B3GALT1: variants seen among roughly 807,000 people sequenced by gnomAD.
B3GALT1 encodes the protein UDP-Gal:betaGlcNAc beta 1,3-galactosyltransferase, polypeptide 1.
B3GALT1 carries 10 observed loss-of-function variants against 23.2 expected under a neutral mutation model. The ratio of observed to expected loss-of-function variants is 0.43; its 90% CI spans 0.27 to 0.73. B3GALT1 has a LOEUF of 0.73. Among genes scored for constraint, B3GALT1 ranks in the 30% least tolerant of loss-of-function variants. B3GALT1 has a pLI of 0.21. For missense variants in B3GALT1, 299 were observed against 405.4 expected (o/e 0.74, Z 2.25); for synonymous variants, 156 against 141.5 (o/e 1.10, Z -0.73).
At chr2:167,295,617 A>C in intron 1 of B3GALT1, among the ~76,000 whole-genome samples, 1 of 152,210 alleles carries the variant, frequency 6.6e-6, no homozygotes, top group East Asian at 1.9e-4. Context: ...GGAACTTCTA[A>C]GGAAAATTTT....
chr2:167,841,813 A>G (rs768618358), intron 4 of B3GALT1, among the ~76,000 whole-genome samples: 6 of 152,256 alleles, frequency 3.9e-5, no homozygotes, highest in Non-Finnish European at 7.3e-5. Context: ...TGCCAAATGA[A>G]TATTTCAGGG....
chr2:167,611,640 A>G (rs2105432348), intron 2 of B3GALT1, among the ~76,000 whole-genome samples: 1 of 152,148 alleles, frequency 6.6e-6, no homozygotes, highest in South Asian at 2.1e-4. Flanking sequence ...TGCATTGCCC[A>G]GTAAAAGGGG....
chr2:167,719,131 A>G (rs1457937432), intron 3 of B3GALT1, among the ~76,000 whole-genome samples: 1 of 152,220 alleles, frequency 6.6e-6, no homozygotes, highest in African/African-American at 2.4e-5. Flanking sequence ...ATAGTGGCAT[A>G]TTCAGCTTGA....
chr2:167,798,267 G>A (rs879009488), intron 3 of B3GALT1, among the ~76,000 whole-genome samples: 4 of 152,154 alleles, frequency 2.6e-5, no homozygotes, highest in Admixed American at 1.3e-4. Context: ...TTCTTTTGCT[G>A]TGAAGAAGCT....
chr2:167,412,759 C>T (rs1022602669), intron 1 of B3GALT1, among the ~76,000 whole-genome samples: 20 of 152,074 alleles, frequency 1.3e-4, no homozygotes, highest in Admixed American at 7.9e-4. Flanking sequence ...TAAATGTGTA[C>T]ATCTCTTCAT....
At chr2:167,295,274 G>A (rs1696330868) in intron 1 of B3GALT1, among the ~76,000 whole-genome samples, 1 of 152,080 alleles carries the variant, frequency 6.6e-6, no homozygotes, top group South Asian at 2.1e-4. Context: ...ATCATGTCTG[G>A]CTTAAAAGTG....
intron 1 of B3GALT1, among the ~76,000 whole-genome samples, chr2:167,373,135 T>C (rs1307618312): frequency 6.6e-6 from 1 of 152,064 alleles, no homozygotes; most frequent in Non-Finnish European, 1.5e-5. Context: ...GAACATATTT[T>C]CAAGAAATTG....
chr2:167,533,988 TGTTGAAAA>T (rs1683373420), intron 2 of B3GALT1, among the ~76,000 whole-genome samples: 1 of 150,014 alleles, frequency 6.7e-6, no homozygotes, highest in Non-Finnish European at 1.5e-5. Flanking sequence ...CCATTGTTGC[TGTTGAAAA>T]GTTTGTTTTA....
chr2:167,388,793 G>A (rs920085205), intron 1 of B3GALT1, among the ~76,000 whole-genome samples: 1 of 152,156 alleles, frequency 6.6e-6, no homozygotes, highest in South Asian at 2.1e-4. Context: ...GATTCAGTGT[G>A]TAGCCAGTCT....
At position 167,821,262 on chromosome 2, in the gene B3GALT1, A is replaced by T. The variant is rs58086380; in HGVS notation, c.-230+2469A>T. On this transcript the variant is annotated intron_variant, in intron 4 of 4. Coordinates refer to ENST00000392690, the MANE Select transcript of B3GALT1 (RefSeq NM_020981.4). Reference sequence around the variant, plus strand: ...GAAGCTAGTGAAAAGCCCAACTTTTATGGGACTCATCATAGGCCCTTGAAT... The same window carrying T: ...GAAGCTAGTGAAAAGCCCAACTTTTTTGGGACTCATCATAGGCCCTTGAAT... 7.4e-3 allele frequency among the ~76,000 whole-genome samples: 1,132 copies of T among 152,102 alleles called. 21 individuals carry two copies. Among genetic ancestry groups the T allele is most frequent in the African/African-American group, 0.026 (1,072 of 41,486 alleles).
intron 1 of B3GALT1, among the ~76,000 whole-genome samples, chr2:167,313,368 A>G (rs1320361502): frequency 6.6e-6 from 1 of 152,158 alleles, no homozygotes; most frequent in Non-Finnish European, 1.5e-5. Flanking sequence ...CTTACCTACA[A>G]ATTTGACAGA....
chr2:167,704,811 T>C (rs1362289663), intron 3 of B3GALT1, among the ~76,000 whole-genome samples: 1 of 152,206 alleles, frequency 6.6e-6, no homozygotes, highest in Non-Finnish European at 1.5e-5. Flanking sequence ...AGATCACAAC[T>C]GGTAATCTAA....
chr2:167,621,365 C>T (rs1027756780), intron 2 of B3GALT1, among the ~76,000 whole-genome samples: 4 of 151,816 alleles, frequency 2.6e-5, no homozygotes, highest in African/African-American at 4.8e-5. Flanking sequence ...GAATTACAGG[C>T]GTGAGCCACC....
chr2:167,586,888 C>A (rs1186141872), intron 2 of B3GALT1, among the ~76,000 whole-genome samples: 1 of 152,020 alleles, frequency 6.6e-6, no homozygotes, highest in African/African-American at 2.4e-5. Flanking sequence ...CAAGTTATAT[C>A]CCAAATGGAT....
chr2:167,427,284 A>C (rs1698637521), intron 1 of B3GALT1, among the ~76,000 whole-genome samples: 1 of 152,092 alleles, frequency 6.6e-6, no homozygotes, highest in Admixed American at 6.6e-5. Context: ...GGGTGAGGAG[A>C]GCATCTGCTT....
At chr2:167,431,073 G>C (rs1698698808) in intron 1 of B3GALT1, among the ~76,000 whole-genome samples, 1 of 152,106 alleles carries the variant, frequency 6.6e-6, no homozygotes, top group African/African-American at 2.4e-5. Flanking sequence ...CTGCTGCCTA[G>C]GGAAAATCCA....
At chr2:167,471,400 A>G (rs1699416772) in intron 1 of B3GALT1, among the ~76,000 whole-genome samples, 1 of 152,164 alleles carries the variant, frequency 6.6e-6, no homozygotes, top group Non-Finnish European at 1.5e-5. Context: ...ACCAAACCCC[A>G]TCTTCTAAAT....
intron 2 of B3GALT1, among the ~76,000 whole-genome samples, chr2:167,506,777 AT>A (rs1699924292): frequency 2.2e-5 from 1 of 44,578 alleles, no homozygotes; most frequent in Non-Finnish European, 3.4e-5. Flanking sequence ...TATGAGTTGG[AT>A]TTGGATTTGG....
At chr2:167,630,395 C>T (rs954546197) in intron 2 of B3GALT1, among the ~76,000 whole-genome samples, 1 of 151,712 alleles carries the variant, frequency 6.6e-6, no homozygotes, top group African/African-American at 2.4e-5. Context: ...TTCAAGATGT[C>T]ATCATTAATT....
Sources: allele counts gnomAD v4.1 joint callset (sites outside exome capture counted in the v4.1 genomes callset), GRCh38; gene constraint gnomAD v4.1.1; transcripts MANE v1.5; gene names NCBI Gene and HGNC (gene_info 2026-07-23, HGNC 2026-07-21).